DIPK1A: variants seen among roughly 807,000 people sequenced by gnomAD.
DIPK1A encodes divergent protein kinase domain 1A, also known as family with sequence similarity 69 member A.
A neutral mutation model predicts 40.8 loss-of-function variants in DIPK1A; 27 were observed. That is an observed-to-expected ratio of 0.66 (90% CI 0.49 to 0.91). The LOEUF is 0.91. Among genes scored for constraint, DIPK1A ranks in the 40% least tolerant of loss-of-function variants. The pLI is 0.00. For missense variants in DIPK1A, 412 were observed against 505.7 expected, an observed-to-expected ratio of 0.81 and a Z score of 1.78; for synonymous variants, 166 against 171.3, an observed-to-expected ratio of 0.97 and a Z score of 0.24.
chr1:92,905,247 C>A (rs1213208423), intron 1 of DIPK1A, among the ~76,000 whole-genome samples: 1 of 152,090 alleles, frequency 6.6e-6, no homozygotes, highest in Non-Finnish European at 1.5e-5. Flanking sequence ...TCTATAATGG[C>A]TGTACTAACC....
chr1:92,914,487 C>T (rs757339825), intron 1 of DIPK1A, among the ~76,000 whole-genome samples: 8 of 151,718 alleles, frequency 5.3e-5, no homozygotes, highest in African/African-American at 9.7e-5. Flanking sequence ...AAGTGGGCAC[C>T]GGCCAGGCAC....
chr1:92,856,291 C>T (rs966623267), intron 2 of DIPK1A, among the ~76,000 whole-genome samples: 3 of 151,752 alleles, frequency 2.0e-5, no homozygotes, highest in African/African-American at 7.3e-5. Flanking sequence ...GAAAGTCATA[C>T]AGGAACAAAC....
intron 4 of DIPK1A, chr1:92,836,238 G>A: frequency 1.2e-6 from 2 of 1,613,388 alleles, no homozygotes; most frequent in South Asian, 2.2e-5. Flanking sequence ...CCAAGTGGAG[G>A]TGACTGGTGA....
chr1:92,935,749 AT>A (rs1005351253), intron 1 of DIPK1A, among the ~76,000 whole-genome samples: 1 of 152,012 alleles, frequency 6.6e-6, no homozygotes, highest in African/African-American at 2.4e-5. Context: ...AAAAAAAAAA[AT>A]CCCTCACTAT....
rs141201027 is a variant in DIPK1A at position 92,891,568 on chromosome 1, G to T, written c.55-15138C>A. On this transcript the variant is annotated intron_variant, in intron 1 of 4. Transcript: ENST00000370310. ...CGAATAGGAACAGCTCCAGTCTACA[G>T]CTCCCAGCATGAGCGATGCAGAACA... Among the ~76,000 whole-genome samples, 1,132 of 152,216 alleles carry T rather than the reference G, an allele frequency of 7.4e-3. 11 individuals are homozygous for T. Among genetic ancestry groups the T allele is most frequent in the African/African-American group, 0.026 (1,076 of 41,518 alleles).
intron 1 of DIPK1A, among the ~76,000 whole-genome samples, chr1:92,878,817 T>TCAAAAA (rs1648247001): frequency 1.4e-5 from 2 of 140,404 alleles, no homozygotes; most frequent in African/African-American, 5.4e-5. Context: ...AGACTCTGTC[T>TCAAAAA]CAAAAACAAA....
At chr1:92,883,364 A>G (rs1379245843) in intron 1 of DIPK1A, among the ~76,000 whole-genome samples, 5 of 152,262 alleles carry the variant, frequency 3.3e-5, no homozygotes, top group African/African-American at 2.4e-5. Context: ...CCAGTGCAGA[A>G]GGACAAGGAT....
intron 1 of DIPK1A, among the ~76,000 whole-genome samples, chr1:92,897,409 A>T (rs1351790149): frequency 1.3e-5 from 2 of 152,188 alleles, no homozygotes; most frequent in African/African-American, 4.8e-5. Flanking sequence ...GCAAGGACAA[A>T]AAAAACAAAC....
chr1:92,947,733 C>T (rs964134702), intron 1 of DIPK1A, among the ~76,000 whole-genome samples: 3 of 152,198 alleles, frequency 2.0e-5, no homozygotes, highest in Non-Finnish European at 4.4e-5. Flanking sequence ...ACAATGAAAT[C>T]TTGTCTTTCA....
chr1:92,915,007 G>GAAACCCC (rs1463587742), intron 1 of DIPK1A, among the ~76,000 whole-genome samples: 3 of 147,538 alleles, frequency 2.0e-5, no homozygotes, highest in African/African-American at 7.5e-5. Context: ...AGAGTCTCTT[G>GAAACCCC]AGCCTGGGAG....
At chr1:92,960,016 A>G (rs1174424923) in intron 1 of DIPK1A, among the ~76,000 whole-genome samples, 1 of 143,930 alleles carries the variant, frequency 6.9e-6, no homozygotes, top group African/African-American at 2.6e-5. Context: ...TCGGCCTCCC[A>G]AGTGCCGGGA....
At chr1:92,863,407 A>G (rs985891283) in intron 2 of DIPK1A, among the ~76,000 whole-genome samples, 7 of 152,148 alleles carry the variant, frequency 4.6e-5, no homozygotes, top group African/African-American at 1.7e-4. Context: ...AGTGTAGCAT[A>G]AGACATGAAG....
intron 4 of DIPK1A, chr1:92,836,396 A>G: frequency 6.2e-7 from 1 of 1,613,852 alleles, no homozygotes; most frequent in Non-Finnish European, 8.5e-7. Context: ...CTCACAGGTA[A>G]GAATACTATT....
Position 92,844,166 on chromosome 1 carries a change from A to G in DIPK1A, c.504T>C (p.Ser168=), listed in dbSNP as rs1423376511. 8.4e-6 allele frequency: 13 copies of G among 1,548,844 alleles called. No homozygotes were observed. The highest frequency in any genetic ancestry group is 1.1e-5 in the Non-Finnish European group (13 of 1,144,982). Residue 168 remains serine, a synonymous_variant, in exon 5 of 5, where the codon TCT becomes TCC. Transcript: ENST00000370310. ...CCGTCAAGATGAGATTAACCAGTTCAGAGAGGTTTCCTTGGTCACCCAATT... is the reference window on the plus strand; with the variant it reads ...CCGTCAAGATGAGATTAACCAGTTCGGAGAGGTTTCCTTGGTCACCCAATT... ...KAKLGDQGNL[S]ELVNLILTVA...
chr1:92,871,860 CTG>C (rs1647878154), intron 2 of DIPK1A, among the ~76,000 whole-genome samples: 1 of 152,068 alleles, frequency 6.6e-6, no homozygotes, highest in Non-Finnish European at 1.5e-5. Flanking sequence ...ATCCATTCAT[CTG>C]TGGATGGACA....
At chr1:92,927,366 T>A in intron 1 of DIPK1A, among the ~76,000 whole-genome samples, 1 of 2,562 alleles carries the variant, frequency 3.9e-4, no homozygotes, top group South Asian at 0.021. Flanking sequence ...ATTTTGTTGT[T>A]TTTTTTTTTT....
chr1:92,861,681 A>G (rs1259865157), intron 2 of DIPK1A, among the ~76,000 whole-genome samples: 1 of 151,942 alleles, frequency 6.6e-6, no homozygotes, highest in African/African-American at 2.4e-5. Context: ...TAGTCCTTAT[A>G]TTATTTAACC....
At chr1:92,877,329 ACT>A (rs1648176016) in intron 1 of DIPK1A, among the ~76,000 whole-genome samples, 1 of 152,220 alleles carries the variant, frequency 6.6e-6, no homozygotes, top group Admixed American at 6.6e-5. Flanking sequence ...AGAACTGAGG[ACT>A]ACGAAGAGAA....
At chr1:92,862,750 T>C (rs933968991) in intron 2 of DIPK1A, among the ~76,000 whole-genome samples, 1 of 152,196 alleles carries the variant, frequency 6.6e-6, no homozygotes, top group African/African-American at 2.4e-5. Flanking sequence ...AGGTCTGTTA[T>C]GAGTTTGACC....
Sources: gnomAD v4.1 joint callset for allele counts (sites outside exome capture counted in the v4.1 genomes callset) on GRCh38, gnomAD v4.1.1 for gene constraint, MANE v1.5 for transcripts, NCBI Gene and HGNC (gene_info 2026-07-23, HGNC 2026-07-21) for gene names.